Variants in COMMD10 observed in about 807,000 individuals in gnomAD.
COMMD10 encodes the protein COMM domain containing 10.
Under a neutral mutation model 28.9 loss-of-function variants are expected in COMMD10, and 33 were observed. That is an observed-to-expected ratio of 1.14 (90% CI 0.87 to 1.53). COMMD10 has a LOEUF of 1.53. Ranked by LOEUF, COMMD10 falls within the 40% of genes most tolerant of loss-of-function variation. The pLI is 0.00. For synonymous variants in COMMD10, 110 were observed against 81.7 expected (o/e 1.35, Z -1.87); for missense variants, 310 against 233.4 (o/e 1.33, Z -2.14).
intron 5 of COMMD10, among the ~76,000 whole-genome samples, chr5:116,277,293 G>C (rs1369863510): frequency 6.6e-6 from 1 of 151,818 alleles, no homozygotes; most frequent in Non-Finnish European, 1.5e-5. Flanking sequence ...GTACTTTTTA[G>C]AATATGCATC....
intron 5 of COMMD10, among the ~76,000 whole-genome samples, chr5:116,160,242 C>T (rs980791096): frequency 2.0e-5 from 3 of 152,162 alleles, no homozygotes; most frequent in African/African-American, 4.8e-5. Flanking sequence ...AGAATTGTTA[C>T]AACTTTTGCT....
At chr5:116,124,463 T>C (rs1225274037) in intron 4 of COMMD10, among the ~76,000 whole-genome samples, 1 of 152,196 alleles carries the variant, frequency 6.6e-6, no homozygotes, top group East Asian at 1.9e-4. Flanking sequence ...TTCTTTTACA[T>C]TGGCTGAGGA....
intron 4 of COMMD10, among the ~76,000 whole-genome samples, chr5:116,125,636 G>A (rs7728852): frequency 0.5 from 76,550 of 151,922 alleles, 21,884 homozygotes; most frequent in Non-Finnish European, 0.65. Context: ...ATAATATCCT[G>A]CAGAGTGTTT....
intron 5 of COMMD10, among the ~76,000 whole-genome samples, chr5:116,151,890 T>G (rs925685125): frequency 1.3e-5 from 2 of 152,198 alleles, no homozygotes; most frequent in African/African-American, 4.8e-5. Context: ...ATTTCTTGCC[T>G]TCTGCTAGCT....
Position 116,277,323 on chromosome 5 carries a change from A to G in COMMD10, c.511-14194A>G, listed in dbSNP as rs147732697. ...TGCATCATTTGTTCACTTGATTCCA[A>G]GAAGATTTTGTGAATCATAATCAGG... On this transcript the variant is annotated intron_variant, in intron 5 of 6. Transcript: ENST00000274458. Among the ~76,000 whole-genome samples the G allele has an allele frequency of 1.1e-3, 170 of 152,086 alleles. 5 individuals carry two copies. The highest frequency in any genetic ancestry group is 4.0e-3 in the African/African-American group (167 of 41,374).
In COMMD10 at chr5:116,158,174, C is replaced by T. The variant is rs1262539883; in HGVS notation, c.510+23996C>T. Among the ~76,000 whole-genome samples, 4 of 28,838 alleles carry T rather than the reference C, an allele frequency of 1.4e-4. 1 individual carries two copies. In the East Asian group the frequency reaches 3.6e-3, roughly 26 times the overall value. The allele number at this position is 28,838 out of a possible 152,430, so 18.9% of individuals were successfully genotyped here. A position where few individuals can be genotyped will look rare whatever the true frequency, so the allele number is the denominator to read the frequency against. On this transcript the variant is annotated intron_variant, in intron 5 of 6. Transcript: ENST00000274458. ...TTCCCCTCCCTCCCTCCTCTCCCTC[C>T]GTCTCCCCTCTCTCCGTCTCCCCTC...
chr5:116,237,459 T>C (rs1370917445), intron 5 of COMMD10, among the ~76,000 whole-genome samples: 1 of 148,720 alleles, frequency 6.7e-6, no homozygotes, highest in East Asian at 2.0e-4. Context: ...CATAAGTTCA[T>C]AAACTTGAAA....
rs1008174948 is a variant in COMMD10, at chr5:116,176,710, A to T, written c.510+42532A>T. ...ATTTTCTCATTTAATTATTATTTTTAAAAAATTTCCTAGTTATTGATTCTC... is the reference window on the plus strand; with the variant it reads ...ATTTTCTCATTTAATTATTATTTTTTAAAAATTTCCTAGTTATTGATTCTC... On this transcript the variant is annotated intron_variant, in intron 5 of 6. Coordinates refer to ENST00000274458, the MANE Select transcript of COMMD10 (RefSeq NM_016144.4). Among the ~76,000 whole-genome samples, 81 of 152,242 alleles carry T rather than the reference A, an allele frequency of 5.3e-4. 1 individual carries two copies. Among genetic ancestry groups the T allele is most frequent in the African/African-American group, 9.6e-5 (4 of 41,566 alleles).
intron 5 of COMMD10, among the ~76,000 whole-genome samples, chr5:116,241,868 C>G (rs756848525): frequency 6.6e-6 from 1 of 151,758 alleles, no homozygotes; most frequent in African/African-American, 2.4e-5. Context: ...CCACCCACCT[C>G]GGCCTCCCAA....
At chr5:116,242,217 AG>A (rs2112664204) in intron 5 of COMMD10, among the ~76,000 whole-genome samples, 1 of 152,342 alleles carries the variant, frequency 6.6e-6, no homozygotes, top group East Asian at 1.9e-4. Context: ...AGTAAGATTT[AG>A]GAAAAAAAAG....
intron 5 of COMMD10, among the ~76,000 whole-genome samples, chr5:116,237,146 C>T (rs752756059): frequency 6.6e-6 from 1 of 151,912 alleles, no homozygotes; most frequent in Non-Finnish European, 1.5e-5. Context: ...GTACAAGGAT[C>T]CTAAAGCAGA....
At chr5:116,232,792 G>A (rs1749562257) in intron 5 of COMMD10, among the ~76,000 whole-genome samples, 1 of 152,148 alleles carries the variant, frequency 6.6e-6, no homozygotes, top group South Asian at 2.1e-4. Context: ...AAATTACAGA[G>A]TGCTTACATT....
intron 5 of COMMD10, among the ~76,000 whole-genome samples, chr5:116,225,269 G>C (rs1279992242): frequency 6.7e-6 from 1 of 150,258 alleles, no homozygotes; most frequent in African/African-American, 2.4e-5. Context: ...TAAATTCAAT[G>C]TCTGAGCCCA....
chr5:116,261,553 A>G (rs1750444131), intron 5 of COMMD10, among the ~76,000 whole-genome samples: 1 of 151,712 alleles, frequency 6.6e-6, no homozygotes, highest in African/African-American at 2.4e-5. Context: ...ATGACTAGAA[A>G]TTTTTATTTC....
At chr5:116,151,148 T>C (rs1752514091) in intron 5 of COMMD10, among the ~76,000 whole-genome samples, 1 of 152,174 alleles carries the variant, frequency 6.6e-6, no homozygotes, top group East Asian at 1.9e-4. Flanking sequence ...TCTGTTTATA[T>C]GCTGGATTAC....
chr5:116,273,165 C>T (rs1750803377), intron 5 of COMMD10, among the ~76,000 whole-genome samples: 2 of 151,780 alleles, frequency 1.3e-5, no homozygotes, highest in South Asian at 4.1e-4. Context: ...CTTCTTAGTG[C>T]CTCAAACTAG....
intron 5 of COMMD10, among the ~76,000 whole-genome samples, chr5:116,150,358 A>G (rs1298410167): frequency 1.3e-5 from 2 of 152,126 alleles, no homozygotes; most frequent in African/African-American, 4.8e-5. Flanking sequence ...TTGGTTCCAT[A>G]TGAACTTTAA....
At chr5:116,249,657 A>G (rs1750053839) in intron 5 of COMMD10, among the ~76,000 whole-genome samples, 1 of 151,922 alleles carries the variant, frequency 6.6e-6, no homozygotes, top group Non-Finnish European at 1.5e-5. Flanking sequence ...GTGATGGTCA[A>G]TGGGTTTATA....
chr5:116,120,288 G>A (rs1304577880), intron 4 of COMMD10, among the ~76,000 whole-genome samples: 1 of 152,078 alleles, frequency 6.6e-6, no homozygotes, highest in African/African-American at 2.4e-5. Flanking sequence ...CCCTTATTGG[G>A]AGCTAAGCTA....
Sources: allele counts gnomAD v4.1 joint callset (sites outside exome capture counted in the v4.1 genomes callset), GRCh38; gene constraint gnomAD v4.1.1; transcripts MANE v1.5; gene names NCBI Gene and HGNC (gene_info 2026-07-23, HGNC 2026-07-21).